The following SLC38A9 variants were observed in gnomAD, a reference collection of about 807,000 sequenced individuals.
SLC38A9 encodes the protein solute carrier family 38 member 9.
Under a neutral mutation model 62.3 loss-of-function variants are expected in SLC38A9, and 48 were observed. The observed-to-expected ratio is 0.77, with a 90% CI of 0.61 to 0.98. The LOEUF is 0.98. SLC38A9 is among the 50% of genes least tolerant of loss of function. SLC38A9 has a pLI of 0.00. For missense variants in SLC38A9, 541 were observed against 679.8 expected, an observed-to-expected ratio of 0.80 and a Z score of 2.27; for synonymous variants, 204 against 227.7, an observed-to-expected ratio of 0.90 and a Z score of 0.94.
intron 12 of SLC38A9, among the ~76,000 whole-genome samples, chr5:55,645,021 T>C (rs1746098723): frequency 1.3e-5 from 2 of 152,168 alleles, no homozygotes; most frequent in Admixed American, 6.5e-5. Context: ...TCCAATTTCA[T>C]CCATGTCCCT....
At chr5:55,688,705 T>A (rs1754315488) in intron 3 of SLC38A9, among the ~76,000 whole-genome samples, 1 of 94,304 alleles carries the variant, frequency 1.1e-5, no homozygotes, top group African/African-American at 3.2e-5. Context: ...TTTAAGCAAT[T>A]ATTTTTAATA....
chr5:55,669,169 C>G (rs1039294281), intron 7 of SLC38A9, 59 bp downstream of exon 7: 1 of 1,269,096 alleles, frequency 7.9e-7, no homozygotes, highest in Admixed American at 1.8e-5. Context: ...TAGTGATCTG[C>G]CTCAAAGGGA....
intron 12 of SLC38A9, among the ~76,000 whole-genome samples, chr5:55,639,272 T>TTA (rs1391586466): frequency 1.8e-5 from 1 of 54,650 alleles, no homozygotes. Context: ...AAACTCTGTC[T>TTA]AAAAAAAAAA....
intron 11 of SLC38A9, 140 bp from the exon 12 acceptor site, chr5:55,646,035 T>G: frequency 1.6e-6 from 1 of 617,652 alleles, no homozygotes; most frequent in Non-Finnish European, 2.8e-6. Context: ...ACAAAGTTCC[T>G]CGAGGCCAGC....
chr5:55,629,729 C>A (rs755248235), intron 14 of SLC38A9, among the ~76,000 whole-genome samples: 30 of 151,930 alleles, frequency 2.0e-4, no homozygotes, highest in South Asian at 4.2e-4. Context: ...TTATATAATT[C>A]AAGGAAAACA....
rs575119930 is a variant in SLC38A9 at position 55,666,908 on chromosome 5, G to A, written c.527-2045C>T. On this transcript the variant is annotated intron_variant, in intron 7 of 15. Transcript: ENST00000396865. The stretch of plus-strand genomic sequence containing the variant: ...TGGGTGCCTGTAGTTCCAGCTACTC[G>A]GGAGGCTGAGGCAGGAGAATGGCGT... Among the ~76,000 whole-genome samples the A allele has an allele frequency of 1.5e-4, 23 of 152,196 alleles. No homozygotes were observed. In the East Asian group the frequency reaches 1.5e-3, roughly 10 times the overall value.
intron 2 of SLC38A9, among the ~76,000 whole-genome samples, chr5:55,706,492 G>T (rs1757316441): frequency 6.6e-6 from 1 of 152,160 alleles, no homozygotes; most frequent in Non-Finnish European, 1.5e-5. Flanking sequence ...TGAAATCAAG[G>T]TTGGGGAAAA....
chr5:55,646,500 A>T (rs1217287787), intron 11 of SLC38A9, among the ~76,000 whole-genome samples: 3 of 152,236 alleles, frequency 2.0e-5, no homozygotes, highest in Non-Finnish European at 2.9e-5. Flanking sequence ...CATTTTTTTA[A>T]TACCTGAATT....
intron 4 of SLC38A9, among the ~76,000 whole-genome samples, chr5:55,672,100 C>T (rs928591572): frequency 6.6e-6 from 1 of 152,106 alleles, no homozygotes; most frequent in African/African-American, 2.4e-5. Context: ...GATCCTCTTG[C>T]CTTGGCCTCC....
chr5:55,690,286 C>T (rs539755708), intron 3 of SLC38A9, among the ~76,000 whole-genome samples: 9 of 152,248 alleles, frequency 5.9e-5, no homozygotes, highest in African/African-American at 2.2e-4. Flanking sequence ...GCCACTGTGC[C>T]TTGCCTGTAT....
chr5:55,693,008 A>C (rs1356359026), intron 3 of SLC38A9: 1 of 984,292 alleles, frequency 1.0e-6, no homozygotes, highest in Admixed American at 6.1e-5. Context: ...TGCGAATGAA[A>C]ATAGGATTAT....
chr5:55,638,054 T>A (rs1473221778), intron 12 of SLC38A9, among the ~76,000 whole-genome samples: 1 of 152,208 alleles, frequency 6.6e-6, no homozygotes, highest in African/African-American at 2.4e-5. Flanking sequence ...TGCTTCCATT[T>A]TGAGATACTA....
intron 3 of SLC38A9, chr5:55,691,365 T>G (rs1033362561): frequency 7.8e-6 from 11 of 1,410,452 alleles, no homozygotes; most frequent in Admixed American, 5.3e-5. Flanking sequence ...AAGAATTGCC[T>G]AAGGGGTTAA....
intron 3 of SLC38A9, among the ~76,000 whole-genome samples, chr5:55,675,877 CT>C (rs1303558087): frequency 1.3e-5 from 2 of 152,232 alleles, no homozygotes; most frequent in Non-Finnish European, 2.9e-5. Context: ...TGTCTCCACC[CT>C]CCTACTGACC....
intron 8 of SLC38A9, among the ~76,000 whole-genome samples, chr5:55,657,495 T>TTTC (rs1748664242): frequency 6.6e-6 from 1 of 151,876 alleles, no homozygotes; most frequent in Non-Finnish European, 1.5e-5. Context: ...TCAAAGTTTT[T>TTTC]TTTTTTTTTA....
chr5:55,668,170 C>CA (rs34676225), intron 7 of SLC38A9, among the ~76,000 whole-genome samples: 9 of 122,596 alleles, frequency 7.3e-5, no homozygotes, highest in African/African-American at 2.5e-4. Flanking sequence ...ATCCTGTCTC[C>CA]AAAAAAAAGG....
intron 3 of SLC38A9, among the ~76,000 whole-genome samples, chr5:55,678,160 C>T (rs1752461467): frequency 4.3e-5 from 2 of 46,186 alleles, no homozygotes; most frequent in African/African-American, 1.1e-4. Context: ...TTTTTTGAGA[C>T]AGTCTTGTTC....
intron 3 of SLC38A9, among the ~76,000 whole-genome samples, chr5:55,685,941 T>C (rs1202322983): frequency 1.3e-5 from 2 of 152,236 alleles, no homozygotes; most frequent in Admixed American, 1.3e-4. Context: ...GCTTCATCCA[T>C]GTCCCTGCAA....
At position 55,671,502 on chromosome 5, in the gene SLC38A9, C is replaced by CTTTTT. The variant is rs145470405; in HGVS notation, c.246+1060_246+1061insAAAAA. Among the ~76,000 whole-genome samples the CTTTTT allele has an allele frequency of 6.9e-5, 10 of 144,352 alleles. 4 individuals are homozygous for CTTTTT. The highest frequency in any genetic ancestry group is 7.6e-5 in the Non-Finnish European group (5 of 65,928). 94.7% of individuals were successfully genotyped at this position (144,352 alleles called of 152,430 possible). Reference sequence around the variant, plus strand: ...TGTGTACATATTTCAGTTTCCCATTCTTCTTTTTTTTTTTTTTTAAGAGAT... The same window carrying CTTTTT: ...TGTGTACATATTTCAGTTTCCCATTCTTTTTTTCTTTTTTTTTTTTTTTAAGAGAT... On this transcript the variant is annotated intron_variant, in intron 4 of 15. Transcript: ENST00000396865.
Sources: allele counts gnomAD v4.1 joint callset (sites outside exome capture counted in the v4.1 genomes callset), GRCh38; gene constraint gnomAD v4.1.1; transcripts MANE v1.5; gene names NCBI Gene and HGNC (gene_info 2026-07-23, HGNC 2026-07-21).